ARHGAP24: variants seen among roughly 807,000 people sequenced by gnomAD.
The protein encoded by ARHGAP24 is Rho GTPase activating protein 24.
ARHGAP24 carries 50 observed loss-of-function variants against 76.4 expected under a neutral mutation model. The observed-to-expected ratio is 0.65, with a 90% CI of 0.52 to 0.83. The LOEUF (loss-of-function observed/expected upper bound fraction) is 0.83. ARHGAP24 is among the 40% of genes least tolerant of loss of function. The pLI, the probability that ARHGAP24 is intolerant of heterozygous loss-of-function variation, is 0.00. For missense variants in ARHGAP24, 930 were observed against 914.2 expected (o/e 1.02, Z -0.22); for synonymous variants, 345 against 323.3 (o/e 1.07, Z -0.72).
intron 1 of ARHGAP24, among the ~76,000 whole-genome samples, chr4:85,564,293 C>CA (rs1359952314): frequency 4.2e-5 from 6 of 141,630 alleles, no homozygotes; most frequent in African/African-American, 1.6e-4. Context: ...GCTGCAAGGA[C>CA]AAAAAAAACA....
chr4:85,627,736 G>T (rs1018493350), intron 2 of ARHGAP24, among the ~76,000 whole-genome samples: 10 of 152,200 alleles, frequency 6.6e-5, no homozygotes, highest in Admixed American at 6.5e-4. Context: ...AGCTTCCCCG[G>T]CTGCTCTGTT....
chr4:85,970,410 C>T (rs1050598451), intron 5 of ARHGAP24, among the ~76,000 whole-genome samples: 1 of 152,148 alleles, frequency 6.6e-6, no homozygotes, highest in Non-Finnish European at 1.5e-5. Context: ...ACATACTTGT[C>T]TTATTATCAG....
Position 85,995,641 on chromosome 4 carries a change from G to A in ARHGAP24, c.1987G>A (p.Glu663Lys), listed in dbSNP as rs1451227967. The change falls in exon 9 of 10, where the codon GAG (glutamate) becomes AAG (lysine). Residue 663 changes from glutamate (E) to lysine (K), a missense_variant. Coordinates refer to ENST00000395184, the MANE Select transcript of ARHGAP24 (RefSeq NM_001025616.3). ...QEMTKQKIEY[E>K]SRIKSLEQRN... ...AATGACCAAACAGAAGATAGAGTAT[G>A]AGTCCAGGATAAAGAGGTAAGGAAA... 4 of 1,613,946 alleles carry A rather than the reference G, an allele frequency of 2.5e-6. No homozygotes were observed. The highest frequency in any genetic ancestry group is 3.4e-6 in the Non-Finnish European group (4 of 1,179,968).
At chr4:85,930,212 C>G (rs898660380) in intron 4 of ARHGAP24, 9 of 983,084 alleles carry the variant, frequency 9.2e-6, no homozygotes, top group Non-Finnish European at 1.1e-5. Flanking sequence ...CTGCCTCCCC[C>G]CACAGATCCA....
In ARHGAP24 at chr4:85,713,687, T is replaced by C. The variant is rs537554111; in HGVS notation, c.181-8198T>C. 3.3e-5 allele frequency among the ~76,000 whole-genome samples: 5 copies of C among 152,292 alleles called. No homozygotes were observed. In the South Asian group the frequency reaches 1.0e-3, roughly 32 times the overall value. On this transcript the variant is annotated intron_variant, in intron 2 of 9. Coordinates refer to ENST00000395184, the MANE Select transcript of ARHGAP24 (RefSeq NM_001025616.3). ...GTGCTTTACCATTCCTTCTGTAAGA[T>C]GACAATAGTTCTGGCACATAGTAAA...
intron 1 of ARHGAP24, among the ~76,000 whole-genome samples, chr4:85,553,507 G>A (rs1726229756): frequency 6.6e-6 from 1 of 152,142 alleles, no homozygotes; most frequent in Non-Finnish European, 1.5e-5. Flanking sequence ...GCTGATTGGT[G>A]CATTTACAAT....
At chr4:85,535,769 CT>C (rs1015979097) in intron 1 of ARHGAP24, among the ~76,000 whole-genome samples, 2 of 152,268 alleles carry the variant, frequency 1.3e-5, no homozygotes, top group African/African-American at 4.8e-5. Flanking sequence ...TGTCTCCCCC[CT>C]ATCTAGTTTT....
At chr4:85,931,608 C>A (rs1736336640) in intron 4 of ARHGAP24, among the ~76,000 whole-genome samples, 1 of 152,072 alleles carries the variant, frequency 6.6e-6, no homozygotes, top group African/African-American at 2.4e-5. Context: ...CACAAGGTGG[C>A]ACTGGGAGAG....
intron 3 of ARHGAP24, among the ~76,000 whole-genome samples, chr4:85,728,063 A>G (rs1247361170): frequency 6.6e-6 from 1 of 152,098 alleles, no homozygotes; most frequent in Non-Finnish European, 1.5e-5. Context: ...CCACAACTAT[A>G]CTAATTATTT....
rs540485666 is a variant in ARHGAP24 at position 85,650,174 on chromosome 4, T to C, written c.181-71711T>C. On this transcript the variant is annotated intron_variant, in intron 2 of 9. Coordinates refer to ENST00000395184, the MANE Select transcript of ARHGAP24 (RefSeq NM_001025616.3). ...GAGAATTATCTAGCATGTGTTCCTT[T>C]CAAATGTTGTGCCATGAAAGATGTT... Among the ~76,000 whole-genome samples, 31 of 150,524 alleles carry C rather than the reference T, an allele frequency of 2.1e-4. 2 individuals carry two copies. Among genetic ancestry groups the C allele is most frequent in the Admixed American group, 3.3e-4 (5 of 15,246 alleles).
At chr4:85,692,644 T>C (rs779870366) in intron 2 of ARHGAP24, among the ~76,000 whole-genome samples, 2 of 152,246 alleles carry the variant, frequency 1.3e-5, no homozygotes, top group Non-Finnish European at 2.9e-5. Context: ...ATGAAATTCT[T>C]GTGAATTTTT....
intron 4 of ARHGAP24, among the ~76,000 whole-genome samples, chr4:85,928,428 G>A (rs1560723681): frequency 6.6e-6 from 1 of 152,042 alleles, no homozygotes; most frequent in Admixed American, 6.6e-5. Flanking sequence ...GATCTGAGGA[G>A]AGTGAAAATT....
At chr4:85,866,706 A>G (rs1560682151) in intron 3 of ARHGAP24, among the ~76,000 whole-genome samples, 1 of 152,062 alleles carries the variant, frequency 6.6e-6, no homozygotes, top group Non-Finnish European at 1.5e-5. Flanking sequence ...ATCTGTGAGG[A>G]TCACACCCAC....
intron 4 of ARHGAP24, among the ~76,000 whole-genome samples, chr4:85,935,047 T>C (rs1736554342): frequency 6.6e-6 from 1 of 152,210 alleles, no homozygotes. Flanking sequence ...CCAGAATCCA[T>C]AGGCAATAGA....
At chr4:85,800,240 A>G (rs1258237753) in intron 3 of ARHGAP24, among the ~76,000 whole-genome samples, 1 of 152,186 alleles carries the variant, frequency 6.6e-6, no homozygotes, top group African/African-American at 2.4e-5. Context: ...CTCTAAGTCT[A>G]AAATTATTTC....
intron 8 of ARHGAP24, among the ~76,000 whole-genome samples, chr4:85,978,160 A>T (rs969929948): frequency 2.0e-5 from 3 of 152,234 alleles, no homozygotes; most frequent in African/African-American, 7.2e-5. Flanking sequence ...TGTTCAAATT[A>T]CAAAGTGTCT....
rs541611536 is a variant in ARHGAP24, at chr4:85,559,831, C to T, written c.-20-10691C>T. On this transcript the variant is annotated intron_variant, in intron 1 of 9. Coordinates refer to ENST00000395184, the MANE Select transcript of ARHGAP24 (RefSeq NM_001025616.3). ...AAATGATAGTTGCCGTCTTCACTTT[C>T]CATTAAAATAAGTTGAATTTCTCAT... Among the ~76,000 whole-genome samples, 21 of 152,242 alleles carry T rather than the reference C, an allele frequency of 1.4e-4. 1 individual carries two copies. The highest frequency in any genetic ancestry group is 1.0e-3 in the Admixed American group (16 of 15,288).
intron 3 of ARHGAP24, among the ~76,000 whole-genome samples, chr4:85,907,126 C>G (rs1446284577): frequency 1.3e-5 from 2 of 152,142 alleles, no homozygotes; most frequent in Admixed American, 1.3e-4. Context: ...CTTAGCTGAA[C>G]TCTGAGCTCC....
intron 3 of ARHGAP24, among the ~76,000 whole-genome samples, chr4:85,740,298 C>T (rs953426688): frequency 1.6e-4 from 24 of 151,126 alleles, no homozygotes; most frequent in African/African-American, 5.3e-4. Flanking sequence ...TCTCGGCTCA[C>T]TGCAACCTCC....
Sources: gnomAD v4.1 joint callset for allele counts (sites outside exome capture counted in the v4.1 genomes callset) on GRCh38, gnomAD v4.1.1 for gene constraint, MANE v1.5 for transcripts, NCBI Gene and HGNC (gene_info 2026-07-23, HGNC 2026-07-21) for gene names.